CTNNA2: variants seen among roughly 807,000 people sequenced by gnomAD.
CTNNA2 encodes catenin alpha-2.
A neutral mutation model predicts 101.0 loss-of-function variants in CTNNA2; 42 were observed. That is an observed-to-expected ratio of 0.42 (90% CI 0.32 to 0.54). CTNNA2 has a LOEUF of 0.54. Among genes scored for constraint, CTNNA2 ranks in the 20% least tolerant of loss-of-function variants. The pLI, the probability that CTNNA2 is intolerant of heterozygous loss-of-function variation, is 0.14. For missense variants in CTNNA2, 871 were observed against 1,223.1 expected, an observed-to-expected ratio of 0.71 and a Z score of 4.29; for synonymous variants, 450 against 456.4, an observed-to-expected ratio of 0.99 and a Z score of 0.18.
intron 2 of CTNNA2, among the ~76,000 whole-genome samples, chr2:79,675,532 T>A (rs974397101): frequency 3.9e-5 from 6 of 152,230 alleles, no homozygotes; most frequent in African/African-American, 1.2e-4. Flanking sequence ...CTTTACCTGA[T>A]TGCTGAAACA....
intron 1 of CTNNA2, among the ~76,000 whole-genome samples, chr2:79,576,549 G>A (rs1675812922): frequency 6.6e-6 from 1 of 152,072 alleles, no homozygotes. Context: ...CGATTTGTTA[G>A]TTGAGGCTCA....
chr2:80,647,544 C>A, intron 18 of CTNNA2, 41 bp from the exon 19 acceptor site: 1 of 1,484,216 alleles, frequency 6.7e-7, no homozygotes, highest in South Asian at 1.4e-5. Context: ...AATTTGGGGC[C>A]TCCATTAACC....
At chr2:80,083,517 A>G (rs549694520) in intron 7 of CTNNA2, among the ~76,000 whole-genome samples, 63 of 152,170 alleles carry the variant, frequency 4.1e-4, no homozygotes, top group African/African-American at 1.4e-3. Context: ...ACGCATCTCC[A>G]GTCAAATTGA....
intron 9 of CTNNA2, among the ~76,000 whole-genome samples, chr2:80,492,366 A>AT (rs76062482): frequency 0.11 from 16,247 of 152,168 alleles, 1,384 homozygotes; most frequent in East Asian, 0.45. Flanking sequence ...TCTTTTCTGT[A>AT]TAAATTACCC....
At chr2:79,630,024 G>A (rs1679581959) in intron 1 of CTNNA2, among the ~76,000 whole-genome samples, 1 of 152,146 alleles carries the variant, frequency 6.6e-6, no homozygotes, top group African/African-American at 2.4e-5. Flanking sequence ...CCTAGGGCTA[G>A]GTATCAGACA....
At chr2:79,311,783 A>G (rs991040187) in intron 2 of CTNNA2, among the ~76,000 whole-genome samples, 1 of 152,170 alleles carries the variant, frequency 6.6e-6, no homozygotes, top group African/African-American at 2.4e-5. Context: ...TGGTTGCCTC[A>G]TTTGCAGAAG....
In CTNNA2 at chr2:79,288,562, ATT is replaced by A. The variant is rs1205611555; in HGVS notation, c.-405-24145_-405-24144del. Among the ~76,000 whole-genome samples the A allele has an allele frequency of 2.7e-5, 4 of 150,556 alleles. No individual in the cohort carries two copies. In the East Asian group the frequency reaches 7.9e-4, roughly 30 times the overall value. ...CATCTGGCTTCTGGGATGAATGGCT[ATT>A]TCTCTCTCTCTCCCTCTCTCTTTGT... On this transcript the variant is annotated intron_variant, in intron 2 of 21. Transcript: ENST00000466387.
intron 7 of CTNNA2, among the ~76,000 whole-genome samples, chr2:80,272,303 G>C (rs188284677): frequency 2.6e-5 from 4 of 152,154 alleles, no homozygotes; most frequent in African/African-American, 9.7e-5. Flanking sequence ...AACTCACTCC[G>C]GGGATGAAGG....
intron 7 of CTNNA2, among the ~76,000 whole-genome samples, chr2:80,275,866 CAT>C (rs1673861904): frequency 1.3e-5 from 2 of 152,032 alleles, no homozygotes; most frequent in Admixed American, 6.6e-5. Flanking sequence ...TACTTAATGA[CAT>C]ATTATTTTCT....
intron 7 of CTNNA2, among the ~76,000 whole-genome samples, chr2:80,132,310 A>G (rs1361130156): frequency 6.6e-6 from 1 of 152,088 alleles, no homozygotes. Context: ...GCTGTCTCAT[A>G]AGCAGGACTT....
chr2:79,712,579 C>T (rs1685812293), intron 2 of CTNNA2, among the ~76,000 whole-genome samples: 1 of 151,876 alleles, frequency 6.6e-6, no homozygotes, highest in Non-Finnish European at 1.5e-5. Context: ...AATATGTCAA[C>T]AAATGAAAGA....
At chr2:80,119,992 A>G (rs1701739996) in intron 7 of CTNNA2, among the ~76,000 whole-genome samples, 1 of 152,228 alleles carries the variant, frequency 6.6e-6, no homozygotes, top group African/African-American at 2.4e-5. Context: ...AGTGCCCATT[A>G]CCCACAAAAG....
At position 80,119,257 on chromosome 2, in the gene CTNNA2, A is replaced by G. The variant is rs111539330; in HGVS notation, c.1056+209460A>G. 2.1e-4 allele frequency among the ~76,000 whole-genome samples: 32 copies of G among 152,286 alleles called. 1 individual carries two copies. The highest frequency in any genetic ancestry group is 6.7e-4 in the African/African-American group (28 of 41,570). On this transcript the variant is annotated intron_variant, in intron 7 of 18. Transcript: ENST00000402739. ...AAGTGTCTTCTGCCATTTATCTATCAGACAGATATCAGATTTCTCAGATTT... is the reference window on the plus strand; with the variant it reads ...AAGTGTCTTCTGCCATTTATCTATCGGACAGATATCAGATTTCTCAGATTT...
rs1675494721 is a variant in CTNNA2 at position 80,372,087 on chromosome 2, A to T, written c.1057-21124A>T. Among the ~76,000 whole-genome samples the T allele has an allele frequency of 2.0e-5, 3 of 152,128 alleles. 1 individual carries two copies. The South Asian group carries it at 6.2e-4, about 32-fold the overall frequency. On this transcript the variant is annotated intron_variant, in intron 7 of 18. Transcript: ENST00000402739. ...CAACTATGCAAGGACAATATAAGAA[A>T]TTTTGAAGGAATCATCTCCCTCCCT...
intron 8 of CTNNA2, among the ~76,000 whole-genome samples, chr2:80,395,037 GATT>G (rs1381425078): frequency 6.6e-6 from 1 of 152,042 alleles, no homozygotes; most frequent in Admixed American, 6.5e-5. Context: ...ATCATGGCAG[GATT>G]ATTATTATTA....
intron 3 of CTNNA2, among the ~76,000 whole-genome samples, chr2:79,746,794 G>A (rs1456517606): frequency 6.6e-6 from 1 of 152,080 alleles, no homozygotes; most frequent in Non-Finnish European, 1.5e-5. Context: ...CTTTTTAATG[G>A]GTTCTTTCCT....
At chr2:80,399,799 G>A (rs990957751) in intron 8 of CTNNA2, among the ~76,000 whole-genome samples, 7 of 152,122 alleles carry the variant, frequency 4.6e-5, no homozygotes, top group Admixed American at 6.6e-5. Context: ...TCCACTGTAG[G>A]ATTATGAAAC....
chr2:79,686,125 A>T lies in CTNNA2; in HGVS notation c.102+34467A>T, dbSNP rs78838915. Among the ~76,000 whole-genome samples the T allele has an allele frequency of 8.6e-3, 1,308 of 152,234 alleles. 42 individuals carry two copies. In the East Asian group the frequency reaches 0.096, roughly 11 times the overall value. On this transcript the variant is annotated intron_variant, in intron 2 of 18. Coordinates refer to ENST00000402739, the MANE Select transcript of CTNNA2 (RefSeq NM_001282597.3). ...TAGAGTGATTAAGAAACGTAAAAAA[A>T]TTAGTTTGGCTGGTAGACCCATTGC... is the stretch of plus-strand genomic sequence containing the variant.
intron 3 of CTNNA2, among the ~76,000 whole-genome samples, chr2:79,804,289 C>T (rs984955561): frequency 6.6e-6 from 1 of 152,092 alleles, no homozygotes; most frequent in Non-Finnish European, 1.5e-5. Context: ...TATCTTTTAA[C>T]ATATACCAAA....
Sources: allele counts gnomAD v4.1 joint callset (sites outside exome capture counted in the v4.1 genomes callset), GRCh38; gene constraint gnomAD v4.1.1; transcripts MANE v1.5; gene names NCBI Gene and HGNC (gene_info 2026-07-23, HGNC 2026-07-21).